The following CCNY variants were observed in gnomAD, a reference collection of about 807,000 sequenced individuals.
CCNY encodes cyclin Y.
In CCNY, 19 loss-of-function variants were observed where a neutral mutation model predicts 42.8. That is an observed-to-expected ratio of 0.44 (90% CI 0.31 to 0.65). CCNY has a LOEUF of 0.65. CCNY is among the 30% of genes least tolerant of loss of function. The probability of loss-of-function intolerance (pLI) is 0.07; values close to 1 mark genes in which losing one functional copy is unlikely to be tolerated. For missense variants in CCNY, 370 were observed against 437.3 expected (o/e 0.85, Z 1.37); for synonymous variants, 165 against 162.7 (o/e 1.01, Z -0.11).
At chr10:35,456,098 G>A (rs1347838718) in intron 1 of CCNY, among the ~76,000 whole-genome samples, 4 of 152,140 alleles carry the variant, frequency 2.6e-5, no homozygotes, top group African/African-American at 9.7e-5. Flanking sequence ...TAATGGCTCA[G>A]GTTTTGCAGG....
Position 35,366,770 on chromosome 10 carries a change from GT to G in CCNY, c.154+29564del, listed in dbSNP as rs575149957. On this transcript the variant is annotated intron_variant, in intron 1 of 9. Coordinates refer to ENST00000374704, the MANE Select transcript of CCNY (RefSeq NM_145012.6). ...TATATCTGCACTGTCCAATGTGGTAGTCACTAGCCACGTGTGGCAGTCAAAC... is the reference window on the plus strand; with the variant it reads ...TATATCTGCACTGTCCAATGTGGTAGCACTAGCCACGTGTGGCAGTCAAAC... Among the ~76,000 whole-genome samples the G allele has an allele frequency of 3.0e-3, 456 of 152,340 alleles. 17 individuals carry two copies. Among genetic ancestry groups the G allele is most frequent in the Admixed American group, 0.027 (418 of 15,296 alleles).
chr10:35,556,459 G>A (rs1255166089), intron 8 of CCNY, among the ~76,000 whole-genome samples: 2 of 152,138 alleles, frequency 1.3e-5, no homozygotes, highest in East Asian at 3.8e-4. Flanking sequence ...TGTTTGTTTT[G>A]AGAGCCACTG....
chr10:35,529,924 G>T, intron 5 of CCNY, 49 bp from the exon 6 acceptor site: 9 of 1,414,848 alleles, frequency 6.4e-6, no homozygotes, highest in Non-Finnish European at 7.9e-6. Flanking sequence ...TTATTTGAAT[G>T]ACATTCTTGC....
At chr10:35,322,209 CT>C (rs1481866437) in intron 3 of CCNY, among the ~76,000 whole-genome samples, 3 of 151,984 alleles carry the variant, frequency 2.0e-5, no homozygotes, top group Non-Finnish European at 2.9e-5. Context: ...CAAAAATTAG[CT>C]GGGCATCGCA....
At chr10:35,326,222 T>C (rs565564073) in intron 3 of CCNY, among the ~76,000 whole-genome samples, 37 of 151,970 alleles carry the variant, frequency 2.4e-4, no homozygotes, top group African/African-American at 8.2e-4. Flanking sequence ...GTGGAGTGCC[T>C]GGCCTGGAAA....
intron 1 of CCNY, among the ~76,000 whole-genome samples, chr10:35,376,574 AT>A (rs1458224418): frequency 1.3e-5 from 2 of 152,190 alleles, no homozygotes; most frequent in Non-Finnish European, 2.9e-5. Flanking sequence ...AGCATTTCAG[AT>A]TTTGGATTTT....
chr10:35,479,517 A>G (rs1839609487), intron 1 of CCNY, among the ~76,000 whole-genome samples: 1 of 142,122 alleles, frequency 7.0e-6, no homozygotes, highest in Admixed American at 7.5e-5. Context: ...CAAAAAACCA[A>G]ACACCGCATA....
intron 3 of CCNY, among the ~76,000 whole-genome samples, chr10:35,253,790 A>G (rs957645180): frequency 6.6e-6 from 1 of 152,190 alleles, no homozygotes; most frequent in Admixed American, 6.6e-5. Flanking sequence ...ATTAGAAGCC[A>G]AGGAAAATCA....
intron 3 of CCNY, among the ~76,000 whole-genome samples, chr10:35,287,858 G>T (rs949414963): frequency 5.9e-5 from 9 of 152,098 alleles, no homozygotes; most frequent in Non-Finnish European, 1.2e-4. Context: ...GTTTCAGCAT[G>T]TTGGCCACGC....
In CCNY at chr10:35,408,853, C is replaced by T. The variant is rs115318902; in HGVS notation, c.154+71646C>T. On this transcript the variant is annotated intron_variant, in intron 1 of 9. Coordinates refer to ENST00000374704, the MANE Select transcript of CCNY (RefSeq NM_145012.6). Reference sequence around the variant, plus strand: ...TGAAGATGGGGTAAGCAGAGGTTTACGCTAGAAATGGATTCAAGTAGACAA... The same window carrying T: ...TGAAGATGGGGTAAGCAGAGGTTTATGCTAGAAATGGATTCAAGTAGACAA... Among the ~76,000 whole-genome samples, 1,037 of 151,970 alleles carry T rather than the reference C, an allele frequency of 6.8e-3. 13 individuals are homozygous for T. Among genetic ancestry groups the T allele is most frequent in the African/African-American group, 0.024 (990 of 41,414 alleles).
intron 4 of CCNY, among the ~76,000 whole-genome samples, chr10:35,522,038 A>C (rs1840558047): frequency 1.3e-5 from 2 of 152,190 alleles, no homozygotes; most frequent in Non-Finnish European, 2.9e-5. Flanking sequence ...TAGACAGCCC[A>C]GTACAATTCT....
At chr10:35,369,577 A>G (rs973204173) in intron 1 of CCNY, among the ~76,000 whole-genome samples, 14 of 152,020 alleles carry the variant, frequency 9.2e-5, no homozygotes, top group African/African-American at 3.1e-4. Flanking sequence ...TGAGAAAACT[A>G]CTCTATTGAG....
chr10:35,279,621 G>T (rs891372420), intron 3 of CCNY, among the ~76,000 whole-genome samples: 5 of 152,198 alleles, frequency 3.3e-5, no homozygotes, highest in Non-Finnish European at 5.9e-5. Context: ...TCTGAGGAAG[G>T]CCTCATTCAG....
chr10:35,528,331 G>A (rs1452821972), intron 5 of CCNY, among the ~76,000 whole-genome samples: 2 of 152,168 alleles, frequency 1.3e-5, no homozygotes, highest in African/African-American at 4.8e-5. Context: ...CTTTCGCTTG[G>A]GTTGATCTGT....
intron 1 of CCNY, among the ~76,000 whole-genome samples, chr10:35,362,433 A>G (rs973069074): frequency 3.3e-5 from 5 of 152,198 alleles, no homozygotes; most frequent in African/African-American, 1.2e-4. Context: ...AAAGTCCTCC[A>G]GGTGACAAAG....
rs1217243588 is a variant in CCNY, at chr10:35,393,124, C to CT, written c.154+55918dup. Among the ~76,000 whole-genome samples, 4 of 152,310 alleles carry CT rather than the reference C, an allele frequency of 2.6e-5. No homozygotes were observed. The East Asian group carries it at 7.7e-4, about 29-fold the overall frequency. ...CTGAGTTGAGCTCCGTCTCCTTCCC[C>CT]TATTAGGATAGTCTTAGCATCTGTC... On this transcript the variant is annotated intron_variant, in intron 1 of 9. Transcript: ENST00000374704.
intron 3 of CCNY, among the ~76,000 whole-genome samples, chr10:35,506,197 A>T (rs1840210455): frequency 6.6e-6 from 1 of 152,252 alleles, no homozygotes; most frequent in African/African-American, 2.4e-5. Context: ...TAAAAATTTT[A>T]AAAATCCAAT....
rs376320965 is a variant in CCNY, at chr10:35,462,644, C to T, written c.155-20760C>T. On this transcript the variant is annotated intron_variant, in intron 1 of 9. Transcript: ENST00000374704. Reference sequence around the variant, plus strand: ...TGCACTCACTGCTGCTGCAGCTGCTCTCTGTGACAGCTTCTCAGAGTGTGC... The same window carrying T: ...TGCACTCACTGCTGCTGCAGCTGCTTTCTGTGACAGCTTCTCAGAGTGTGC... Among the ~76,000 whole-genome samples, 12 of 152,304 alleles carry T rather than the reference C, an allele frequency of 7.9e-5. No homozygotes were observed. In the East Asian group the frequency reaches 2.1e-3, roughly 27 times the overall value.
chr10:35,464,157 C>T (rs948233210), intron 1 of CCNY, among the ~76,000 whole-genome samples: 4 of 152,254 alleles, frequency 2.6e-5, no homozygotes, highest in South Asian at 2.1e-4. Flanking sequence ...GCATATCCAC[C>T]GCCGAACTGG....
Sources: allele counts gnomAD v4.1 joint callset (sites outside exome capture counted in the v4.1 genomes callset), GRCh38; gene constraint gnomAD v4.1.1; transcripts MANE v1.5; gene names NCBI Gene and HGNC (gene_info 2026-07-23, HGNC 2026-07-21).